Variants in SKAP1 observed in about 807,000 individuals in gnomAD.
The protein encoded by SKAP1 is src kinase-associated phosphoprotein 1.
SKAP1 carries 44 observed loss-of-function variants against 58.5 expected under a neutral mutation model. The ratio of observed to expected loss-of-function variants is 0.75; its 90% confidence interval spans 0.59 to 0.97. The LOEUF is 0.97. SKAP1 is among the 50% of genes least tolerant of loss of function. The pLI, the probability that SKAP1 is intolerant of heterozygous loss-of-function variation, is 0.00. For synonymous variants in SKAP1, 127 were observed against 149.7 expected (o/e 0.85, Z 1.11); for missense variants, 390 against 435.2 (o/e 0.90, Z 0.92).
At chr17:48,291,699 G>C (rs1175458422) in intron 4 of SKAP1, among the ~76,000 whole-genome samples, 1 of 152,072 alleles carries the variant, frequency 6.6e-6, no homozygotes, top group Non-Finnish European at 1.5e-5. Context: ...CAATGATTCC[G>C]CTAGTCTTAT....
At chr17:48,168,088 T>C (rs2064162177) in intron 10 of SKAP1, among the ~76,000 whole-genome samples, 1 of 152,094 alleles carries the variant, frequency 6.6e-6, no homozygotes, top group Non-Finnish European at 1.5e-5. Flanking sequence ...CAGAATGAAA[T>C]AAAAGAAATT....
intron 2 of SKAP1, among the ~76,000 whole-genome samples, chr17:48,386,239 A>ACAGTT (rs1025617058): frequency 6.6e-6 from 1 of 151,450 alleles, no homozygotes; most frequent in Non-Finnish European, 1.5e-5. Context: ...TACATTTATA[A>ACAGTT]CAGTTTTTCA....
At chr17:48,181,618 C>A (rs1048622231) in intron 8 of SKAP1, among the ~76,000 whole-genome samples, 1 of 152,126 alleles carries the variant, frequency 6.6e-6, no homozygotes, top group Non-Finnish European at 1.5e-5. Context: ...AAAGGCTTTG[C>A]GTTTTTAGCT....
intron 4 of SKAP1, among the ~76,000 whole-genome samples, chr17:48,214,300 T>C (rs1245087464): frequency 6.6e-6 from 1 of 152,234 alleles, no homozygotes; most frequent in Non-Finnish European, 1.5e-5. Flanking sequence ...CAGCCTCAGC[T>C]TCCTTTATAC....
At chr17:48,412,166 G>T (rs974190751) in intron 1 of SKAP1, among the ~76,000 whole-genome samples, 2 of 152,046 alleles carry the variant, frequency 1.3e-5, no homozygotes, top group African/African-American at 4.8e-5. Context: ...TTAAAAAGTG[G>T]CATATGGTAT....
At chr17:48,212,745 C>T (rs1457464970) in intron 4 of SKAP1, among the ~76,000 whole-genome samples, 1 of 152,202 alleles carries the variant, frequency 6.6e-6, no homozygotes, top group Non-Finnish European at 1.5e-5. Flanking sequence ...CTTTTCCAAT[C>T]TGATCTCCCT....
intron 4 of SKAP1, among the ~76,000 whole-genome samples, chr17:48,189,897 C>T (rs545417016): frequency 6.6e-6 from 1 of 151,782 alleles, no homozygotes; most frequent in Non-Finnish European, 1.5e-5. Flanking sequence ...AGGCTGGTCT[C>T]GAACTCCTGA....
chr17:48,328,592 G>C (rs1360444944), intron 4 of SKAP1, among the ~76,000 whole-genome samples: 2 of 151,836 alleles, frequency 1.3e-5, no homozygotes, highest in Admixed American at 1.3e-4. Flanking sequence ...ATTTACAGTG[G>C]GTGAATACTG....
intron 4 of SKAP1, among the ~76,000 whole-genome samples, chr17:48,247,230 C>A (rs2065305626): frequency 6.6e-6 from 1 of 152,180 alleles, no homozygotes; most frequent in African/African-American, 2.4e-5. Context: ...ACCCTGCCTT[C>A]CTATTAGTCA....
chr17:48,348,204 G>C (rs776041939), intron 3 of SKAP1, among the ~76,000 whole-genome samples: 51 of 152,034 alleles, frequency 3.4e-4, no homozygotes, highest in Non-Finnish European at 6.0e-4. Flanking sequence ...GCCAGGCATG[G>C]TGGCTTGTGC....
chr17:48,206,453 G>A (rs953898695), intron 4 of SKAP1, among the ~76,000 whole-genome samples: 6 of 151,384 alleles, frequency 4.0e-5, no homozygotes, highest in African/African-American at 1.5e-4. Context: ...ATACCCCTTG[G>A]TATAAAAAAT....
chr17:48,205,029 T>TTCTCTCCCTCTC (rs2064789572), intron 4 of SKAP1, among the ~76,000 whole-genome samples: 1 of 38,942 alleles, frequency 2.6e-5, no homozygotes, highest in Non-Finnish European at 6.0e-5. Context: ...CTTTCTTTCT[T>TTCTCTCCCTCTC]TCTTTCTTTC....
intron 2 of SKAP1, among the ~76,000 whole-genome samples, chr17:48,385,428 A>G (rs1048672576): frequency 6.6e-6 from 1 of 152,208 alleles, no homozygotes; most frequent in African/African-American, 2.4e-5. Context: ...TTATATAATT[A>G]TTGGAGAGAC....
intron 10 of SKAP1, among the ~76,000 whole-genome samples, chr17:48,165,153 G>A (rs1235348784): frequency 1.3e-5 from 2 of 152,176 alleles, no homozygotes; most frequent in South Asian, 2.1e-4. Context: ...GTGTAATAGG[G>A]AATCTAACAT....
chr17:48,410,276 T>C (rs149463686), intron 1 of SKAP1, among the ~76,000 whole-genome samples: 49 of 152,306 alleles, frequency 3.2e-4, no homozygotes, highest in African/African-American at 1.1e-3. Context: ...TGAATTAGAA[T>C]TGGAGACATC....
intron 4 of SKAP1, among the ~76,000 whole-genome samples, chr17:48,339,894 T>G (rs995306225): frequency 2.0e-5 from 3 of 152,076 alleles, no homozygotes; most frequent in Non-Finnish European, 4.4e-5. Context: ...GTATAAAGTC[T>G]ACCAGTGGCC....
At chr17:48,431,786 G>A (rs112296136), upstream of SKAP1, among the ~76,000 whole-genome samples, 192 of 152,302 alleles carry the variant, frequency 1.3e-3, 1 homozygote, top group African/African-American at 4.4e-3. Flanking sequence ...AAAAGACACA[G>A]GGGGAAGTGG....
rs2067305841 is a variant in SKAP1, at chr17:48,388,462, T to C, written c.152+8218A>G. Among the ~76,000 whole-genome samples, 3 of 151,814 alleles carry C rather than the reference T, an allele frequency of 2.0e-5. No individual in the cohort carries two copies. In the South Asian group the frequency reaches 6.2e-4, roughly 32 times the overall value. On this transcript the variant is annotated intron_variant, in intron 2 of 12. Coordinates refer to ENST00000336915, the MANE Select transcript of SKAP1 (RefSeq NM_003726.4). ...AAACAAACAAACAAACAAACAACAA[T>C]AAAAAACCTTTATATTATGAAAATT...
At chr17:48,407,164 T>C (rs1334285765) in intron 1 of SKAP1, among the ~76,000 whole-genome samples, 3 of 152,188 alleles carry the variant, frequency 2.0e-5, no homozygotes, top group Admixed American at 2.0e-4. Context: ...AAACAGCCTA[T>C]ATAAAATGTT....
Sources: allele counts gnomAD v4.1 joint callset (sites outside exome capture counted in the v4.1 genomes callset), GRCh38; gene constraint gnomAD v4.1.1; transcripts MANE v1.5; gene names NCBI Gene and HGNC (gene_info 2026-07-23, HGNC 2026-07-21).